Variants in MS4A14 observed in about 807,000 individuals in gnomAD.
The protein encoded by MS4A14 is membrane spanning 4-domains A14, also known as membrane-spanning 4-domains subfamily A member 14.
In MS4A14, 18 loss-of-function variants were observed where a neutral mutation model predicts 16.7. The ratio of observed to expected loss-of-function variants is 1.08; its 90% confidence interval spans 0.75 to 1.60. The LOEUF is 1.60. MS4A14 is among the 40% of genes most tolerant of loss of function. MS4A14 has a pLI of 0.00. For missense variants in MS4A14, 812 were observed against 775.3 expected (o/e 1.05, Z -0.56); for synonymous variants, 305 against 289.4 (o/e 1.05, Z -0.55).
At position 60,417,251 on chromosome 11, in the gene MS4A14, C is replaced by T. The variant is rs1055042241; in HGVS notation, c.*243C>T. 2.0e-5 allele frequency: 8 copies of T among 398,434 alleles called. No individual in the cohort carries two copies. The Admixed American group carries it at 2.2e-4, about 11-fold the overall frequency. The allele number at this position is 398,434 out of a possible 1,614,324, so 24.7% of individuals were successfully genotyped here. On this transcript the variant is annotated 3_prime_UTR_variant, in exon 5 of 5. Transcript: ENST00000300187. ...AGATATGTACACTAGAGACATCAAACCAGGGGACATGAAATGTATAGGGCA... is the reference window on the plus strand; with the variant it reads ...AGATATGTACACTAGAGACATCAAATCAGGGGACATGAAATGTATAGGGCA...
At position 60,416,117 on chromosome 11, in the gene MS4A14, A is replaced by G; in HGVS notation, c.1149A>G (p.Leu383=). ...TGACATCCCAAGATATGCAATCCCT[A>G]GATATGCTATCTCAAGACACACCAT... ...HDMTSQDMQS[L]DMLSQDTPSH... is the part of the protein sequence containing the mutation. The change falls in exon 5 of 5, where the codon CTA becomes CTG. Residue 383 remains leucine (L), a synonymous_variant. Transcript: ENST00000300187. 6.2e-7 allele frequency: 1 copy of G among 1,609,644 alleles called. No individual in the cohort carries two copies. The highest frequency in any genetic ancestry group is 1.1e-5 in the South Asian group (1 of 90,582).
intron 3 of MS4A14, 122 bp downstream of exon 3, chr11:60,400,576 T>G: frequency 1.7e-6 from 1 of 580,318 alleles, no homozygotes; most frequent in Non-Finnish European, 3.0e-6. Flanking sequence ...AAGTTGCAGT[T>G]CAGATCATTC....
chr11:60,402,399 C>G (rs2085727786), intron 3 of MS4A14, among the ~76,000 whole-genome samples: 1 of 152,076 alleles, frequency 6.6e-6, no homozygotes, highest in Admixed American at 6.6e-5. Context: ...TTTGTTTCTC[C>G]AGGGCCTAAT....
At chr11:60,404,952 A>G (rs1413586110) in intron 4 of MS4A14, among the ~76,000 whole-genome samples, 1 of 152,222 alleles carries the variant, frequency 6.6e-6, no homozygotes, top group Non-Finnish European at 1.5e-5. Context: ...ATTGCATACA[A>G]TAGGGTCTTC....
chr11:60,409,596 A>G (rs960412968), intron 4 of MS4A14, among the ~76,000 whole-genome samples: 1 of 148,734 alleles, frequency 6.7e-6, no homozygotes, highest in Non-Finnish European at 1.5e-5. Context: ...TATATATATT[A>G]CATTTTCTTT....
chr11:60,414,429 T>G (rs1477843550), intron 4 of MS4A14, among the ~76,000 whole-genome samples: 1 of 152,110 alleles, frequency 6.6e-6, no homozygotes, highest in African/African-American at 2.4e-5. Context: ...ATTAATTCAT[T>G]TAATCACTGA....
intron 4 of MS4A14, among the ~76,000 whole-genome samples, chr11:60,406,493 A>G (rs1285939471): frequency 6.6e-6 from 1 of 152,236 alleles, no homozygotes; most frequent in Non-Finnish European, 1.5e-5. Flanking sequence ...CAAAACTATT[A>G]TAACATCTTT....
intron 4 of MS4A14, among the ~76,000 whole-genome samples, chr11:60,407,079 G>A (rs773865493): frequency 8.0e-6 from 1 of 125,734 alleles, no homozygotes; most frequent in Non-Finnish European, 1.6e-5. Flanking sequence ...CAGTGGCACT[G>A]TCTCGGCTCA....
chr11:60,402,269 A>C (rs1013852481), intron 3 of MS4A14, among the ~76,000 whole-genome samples: 11 of 151,890 alleles, frequency 7.2e-5, no homozygotes, highest in African/African-American at 2.7e-4. Context: ...ACACCTTTAA[A>C]CTCCAGTCCA....
At position 60,397,954 on chromosome 11, in the gene MS4A14, G is replaced by A. The variant is rs750384947; in HGVS notation, c.241G>A (p.Gly81Arg). ...SQRLPLVVLT[G>R]YPFWGALIFI... ...AAGACTTCCCCTTGTTGTCCTCACA[G>A]GATATCCATTCTGGGGAGCACTTAT... is the stretch of plus-strand genomic sequence containing the variant. The change falls in exon 2 of 5, where the codon GGA (glycine) becomes AGA (arginine). Residue 81 changes from glycine to arginine, a missense_variant. Gly to Arg is a moderately radical substitution (Grantham distance 125). Transcript: ENST00000300187. 6.2e-7 allele frequency: 1 copy of A among 1,613,512 alleles called. No homozygotes were observed. Among genetic ancestry groups the A allele is most frequent in the South Asian group, 1.1e-5 (1 of 91,064 alleles).
At chr11:60,400,280 C>T (rs887270938) in intron 2 of MS4A14, 124 bp from the exon 3 acceptor site, 27 of 585,522 alleles carry the variant, frequency 4.6e-5, no homozygotes, top group Non-Finnish European at 7.6e-5. Flanking sequence ...CCCTGATGCT[C>T]AGGTGGAAAA....
intron 4 of MS4A14, among the ~76,000 whole-genome samples, chr11:60,405,593 C>T (rs2085775468): frequency 6.6e-6 from 1 of 152,194 alleles, no homozygotes; most frequent in African/African-American, 2.4e-5. Context: ...CATGTTCCCA[C>T]ATGACAGCAA....
chr11:60,410,828 T>G (rs1410774802), intron 4 of MS4A14, among the ~76,000 whole-genome samples: 2 of 71,504 alleles, frequency 2.8e-5, no homozygotes, highest in African/African-American at 1.1e-4. Flanking sequence ...CCATATTTTT[T>G]GGGTTTTTTT....
In MS4A14 at chr11:60,402,970, C is replaced by T. The variant is rs146035561; in HGVS notation, c.377C>T (p.Thr126Ile). Residue 126 changes from threonine (T) to isoleucine (I), a missense_variant, in exon 4 of 5, where the codon ACT (threonine) becomes ATT (isoleucine). Transcript: ENST00000300187. ...TCCTTGGTTGCGATAACTGGGATTA[C>T]TTTCACCATTCTCAGCTACAGACAT... ...ISSLVAITGI[T>I]FTILSYRHQD... The T allele has an allele frequency of 4.3e-6, 7 of 1,613,824 alleles. No homozygotes were observed. The highest frequency in any genetic ancestry group is 5.9e-6 in the Non-Finnish European group (7 of 1,179,786).
chr11:60,416,353 C>G lies in MS4A14; in HGVS notation c.1385C>G (p.Ser462Ter). ...CAAATGTCATATCAAGATATTAGATCAGAAGTTATGGAAGAGACCAAAGAA... is the reference window on the plus strand; with the variant it reads ...CAAATGTCATATCAAGATATTAGATGAGAAGTTATGGAAGAGACCAAAGAA... ...ILQMSYQDIR[S>*]EVMEETKEWK... The change falls in exon 5 of 5, where the codon TCA (serine) becomes TGA (stop). Residue 462 changes from serine to a stop codon, truncating the protein, a stop_gained. Coordinates refer to ENST00000300187, the MANE Select transcript of MS4A14 (RefSeq NM_032597.5). LOFTEE classifies it low-confidence loss of function (END_TRUNC). The G allele has an allele frequency of 1.9e-6, 3 of 1,613,884 alleles. No individual in the cohort carries two copies. Among genetic ancestry groups the G allele is most frequent in the Non-Finnish European group, 2.5e-6 (3 of 1,179,928 alleles).
chr11:60,403,280 T>C (rs1476192651), intron 4 of MS4A14: 4 of 523,938 alleles, frequency 7.6e-6, no homozygotes, highest in East Asian at 3.4e-5. Context: ...TGGCCTAATA[T>C]TGTATTCTCT....
Position 60,415,775 on chromosome 11 carries a change from T to C in MS4A14, c.807T>C (p.Ser269=), listed in dbSNP as rs1008772343. The change falls in exon 5 of 5, where the codon TCT becomes TCC. Residue 269 remains serine (S), a synonymous_variant. Coordinates refer to ENST00000300187, the MANE Select transcript of MS4A14 (RefSeq NM_032597.5). Reference sequence around the variant, plus strand: ...AAAATATGTCCATTCAGCTAGACTCTACATTTAAACAAATGAAAGATGAAG... The same window carrying C: ...AAAATATGTCCATTCAGCTAGACTCCACATTTAAACAAATGAAAGATGAAG... ...PSENMSIQLD[S]TFKQMKDEDL... is the part of the protein sequence containing the mutation. 3.7e-6 allele frequency: 6 copies of C among 1,613,866 alleles called. No individual in the cohort carries two copies. Among genetic ancestry groups the C allele is most frequent in the African/African-American group, 1.3e-5 (1 of 74,896 alleles).
intron 4 of MS4A14, among the ~76,000 whole-genome samples, chr11:60,405,271 G>T (rs1360244410): frequency 1.3e-5 from 2 of 152,014 alleles, no homozygotes; most frequent in Non-Finnish European, 2.9e-5. Context: ...TAGAGACGGG[G>T]TTTCTCCATG....
chr11:60,409,321 C>T (rs893958874), intron 4 of MS4A14, among the ~76,000 whole-genome samples: 1 of 152,014 alleles, frequency 6.6e-6, no homozygotes, highest in African/African-American at 2.4e-5. Context: ...TCCTCCCATC[C>T]TCCCTACCTT....
Sources: gnomAD v4.1 joint callset for allele counts (sites outside exome capture counted in the v4.1 genomes callset) on GRCh38, gnomAD v4.1.1 for gene constraint, MANE v1.5 for transcripts, NCBI Gene and HGNC (gene_info 2026-07-23, HGNC 2026-07-21) for gene names.